Variants in CCDC146 observed in about 807,000 individuals in gnomAD.
CCDC146 encodes the protein coiled-coil domain-containing protein 146.
A neutral mutation model predicts 119.3 loss-of-function variants in CCDC146; 92 were observed. The ratio of observed to expected loss-of-function variants is 0.77; its 90% CI spans 0.65 to 0.92. The LOEUF is 0.92. CCDC146 is among the 40% of genes least tolerant of loss of function. CCDC146 has a pLI of 0.00. For synonymous variants in CCDC146, 372 were observed against 371.8 expected (o/e 1.00, Z -0.01); for missense variants, 1,000 against 1,103.0 (o/e 0.91, Z 1.32).
rs1240366408 is a variant in CCDC146, at chr7:77,279,073, C to A, written c.1666C>A (p.Leu556Met). 2 of 1,610,802 alleles carry A rather than the reference C, an allele frequency of 1.2e-6. No individual in the cohort carries two copies. Among genetic ancestry groups the A allele is most frequent in the Non-Finnish European group, 1.7e-6 (2 of 1,178,572 alleles). ...HKMSLNELEI[L>M]RNSAVSQERK... Reference sequence around the variant, plus strand: ...AATGTCATTAAATGAACTTGAAATTCTGAGAAATAGTGCCGTTAGTCAAGA... The same window carrying A: ...AATGTCATTAAATGAACTTGAAATTATGAGAAATAGTGCCGTTAGTCAAGA... The change falls in exon 13 of 19, where the codon CTG becomes ATG. Residue 556 changes from leucine (L) to methionine (M), a missense_variant. Around this residue, in one of 2 missense-constraint regions of CCDC146, gnomAD observed 985 missense variants for 1,045.3 expected, o/e 0.94. Coordinates refer to ENST00000285871, the MANE Select transcript of CCDC146 (RefSeq NM_020879.3).
intron 2 of CCDC146, among the ~76,000 whole-genome samples, chr7:77,233,919 T>G (rs2150479174): frequency 6.7e-6 from 1 of 148,420 alleles, no homozygotes; most frequent in East Asian, 2.0e-4. Context: ...TTTTTTTTTT[T>G]GTATCTATCT....
intron 4 of CCDC146, among the ~76,000 whole-genome samples, chr7:77,247,809 G>A (rs931801546): frequency 6.6e-6 from 1 of 152,198 alleles, no homozygotes; most frequent in African/African-American, 2.4e-5. Flanking sequence ...GGAGTGCTGA[G>A]TAAAGGGAAC....
chr7:77,199,225 T>C (rs1177583727), intron 2 of CCDC146: 2 of 1,614,018 alleles, frequency 1.2e-6, no homozygotes, highest in East Asian at 2.2e-5. Flanking sequence ...CTTTGAACAT[T>C]TGCCATCCAA....
intron 1 of CCDC146, among the ~76,000 whole-genome samples, chr7:77,123,403 GGTGTGTGTGTGTGTGTGTGTGTGT>G (rs557580080): frequency 3.2e-5 from 4 of 125,194 alleles, no homozygotes; most frequent in African/African-American, 1.2e-4. Flanking sequence ...GACCCTATAA[GGTGTGTGTGTGTGTGTGTGTGTGT>G]GTGTGTGTGT....
At chr7:77,259,488 G>C (rs996313579) in intron 7 of CCDC146, among the ~76,000 whole-genome samples, 7 of 152,110 alleles carry the variant, frequency 4.6e-5, no homozygotes, top group African/African-American at 1.7e-4. Context: ...CAGATATTCA[G>C]AGTAGATTGG....
chr7:77,161,890 C>T (rs1225767150), intron 1 of CCDC146, among the ~76,000 whole-genome samples: 1 of 152,126 alleles, frequency 6.6e-6, no homozygotes, highest in Non-Finnish European at 1.5e-5. Flanking sequence ...TGCATTTCCC[C>T]AGTGGTTGGT....
intron 1 of CCDC146, among the ~76,000 whole-genome samples, chr7:77,159,589 G>T (rs1215799794): frequency 6.6e-6 from 1 of 152,162 alleles, no homozygotes; most frequent in Non-Finnish European, 1.5e-5. Context: ...GTGATGAAAT[G>T]AACGTGGGAG....
At chr7:77,209,047 T>C (rs1426671408) in intron 2 of CCDC146, among the ~76,000 whole-genome samples, 1 of 152,128 alleles carries the variant, frequency 6.6e-6, no homozygotes, top group Non-Finnish European at 1.5e-5. Context: ...AAATCTCATG[T>C]CTTTCTCACA....
At chr7:77,149,229 AG>A (rs1791070709) in intron 1 of CCDC146, among the ~76,000 whole-genome samples, 1 of 152,244 alleles carries the variant, frequency 6.6e-6, no homozygotes, top group Admixed American at 6.5e-5. Flanking sequence ...CAATGGGGAA[AG>A]GATTCCCTAT....
At chr7:77,125,130 G>A (rs1238916657) in intron 1 of CCDC146, among the ~76,000 whole-genome samples, 2 of 151,656 alleles carry the variant, frequency 1.3e-5, no homozygotes, top group Non-Finnish European at 1.5e-5. Flanking sequence ...GGAGGTAGAG[G>A]TTGCAGTGAG....
intron 2 of CCDC146, among the ~76,000 whole-genome samples, chr7:77,224,778 G>T (rs1792473222): frequency 6.6e-6 from 1 of 152,316 alleles, no homozygotes; most frequent in African/African-American, 2.4e-5. Context: ...AGGGTCTAAA[G>T]CAAGGTGAGA....
intron 2 of CCDC146, among the ~76,000 whole-genome samples, chr7:77,225,749 C>G (rs564295458): frequency 1.3e-5 from 2 of 152,152 alleles, no homozygotes; most frequent in African/African-American, 4.8e-5. Context: ...TCAAGACCAG[C>G]CTGGTCAGCA....
At chr7:77,159,270 T>A (rs1416293913) in intron 1 of CCDC146, among the ~76,000 whole-genome samples, 2 of 152,052 alleles carry the variant, frequency 1.3e-5, no homozygotes, top group Non-Finnish European at 2.9e-5. Context: ...TTATCTTGCA[T>A]AGCTGAAATT....
intron 1 of CCDC146, among the ~76,000 whole-genome samples, chr7:77,127,069 G>A (rs1007921558): frequency 1.3e-5 from 2 of 152,186 alleles, no homozygotes; most frequent in African/African-American, 4.8e-5. Context: ...CAAGCCTGCA[G>A]GGATGGGGGG....
chr7:77,251,100 C>T (rs1044784005), intron 4 of CCDC146, among the ~76,000 whole-genome samples: 1 of 151,576 alleles, frequency 6.6e-6, no homozygotes, highest in African/African-American at 2.4e-5. Flanking sequence ...CGGCTCACTG[C>T]AACCTCTGCC....
At position 77,140,685 on chromosome 7, in the gene CCDC146, G is replaced by A. The variant is rs562649348; in HGVS notation, c.-12+17953G>A. On this transcript the variant is annotated intron_variant, in intron 1 of 18. Coordinates refer to ENST00000285871, the MANE Select transcript of CCDC146 (RefSeq NM_020879.3). ...AGGACGCATTCAGTCAATAGCACCC[G>A]TCCTCTGAAAAGTATAAAACATTAC... 4.9e-3 allele frequency among the ~76,000 whole-genome samples: 751 copies of A among 152,094 alleles called. 6 individuals are homozygous for A. Among genetic ancestry groups the A allele is most frequent in the Non-Finnish European group, 5.4e-3 (368 of 68,010 alleles).
intron 2 of CCDC146, among the ~76,000 whole-genome samples, chr7:77,233,460 ACCCC>A (rs1178317602): frequency 6.6e-6 from 1 of 151,448 alleles, no homozygotes; most frequent in Non-Finnish European, 1.5e-5. Context: ...AGTCCCACCC[ACCCC>A]CTGGATTGGT....
At chr7:77,157,048 G>A (rs1323752080) in intron 1 of CCDC146, among the ~76,000 whole-genome samples, 2 of 119,966 alleles carry the variant, frequency 1.7e-5, no homozygotes, top group Non-Finnish European at 3.3e-5. Flanking sequence ...AAAAATGGAA[G>A]TGTCCCAGAG....
At chr7:77,218,329 A>G (rs1792336200) in intron 2 of CCDC146, among the ~76,000 whole-genome samples, 1 of 151,030 alleles carries the variant, frequency 6.6e-6, no homozygotes, top group Admixed American at 6.6e-5. Flanking sequence ...ATAGATACAT[A>G]TGTATGTATA....
Sources: gnomAD v4.1 joint callset for allele counts (sites outside exome capture counted in the v4.1 genomes callset) on GRCh38, gnomAD v4.1.1 for gene constraint, gnomAD v4.1.1 regional missense constraint, MANE v1.5 for transcripts, NCBI Gene and HGNC (gene_info 2026-07-23, HGNC 2026-07-21) for gene names.